VNN1: variants seen among roughly 807,000 people sequenced by gnomAD.
VNN1 encodes the protein pantetheinase.
A neutral mutation model predicts 41.9 loss-of-function variants in VNN1; 29 were observed. That is an observed-to-expected ratio of 0.69 (90% confidence interval 0.52 to 0.94). The LOEUF (loss-of-function observed/expected upper bound fraction) is 0.94, where lower values mean the gene tolerates loss of function less well. VNN1 is among the 40% of genes least tolerant of loss of function. The pLI is 0.00. For synonymous variants in VNN1, 233 were observed against 224.4 expected (o/e 1.04, Z -0.34); for missense variants, 637 against 621.1 (o/e 1.03, Z -0.27).
At position 132,684,462 on chromosome 6, in the gene VNN1, C is replaced by T; in HGVS notation, c.1232G>A (p.Cys411Tyr). The change falls in exon 6 of 7, where the codon TGC becomes TAC. Residue 411 changes from cysteine to tyrosine, a missense_variant. Transcript: ENST00000367928. Reference protein sequence around the residue: ...LKCKTTNLNTCGDSAETASTR... With the variant: ...LKCKTTNLNTYGDSAETASTR... Reference sequence around the variant, plus strand: ...AGAAGCTGTTTCAGCTGAGTCACCGCAAGTGTTTAAATTAGTCGTTTTACA... The same window carrying T: ...AGAAGCTGTTTCAGCTGAGTCACCGTAAGTGTTTAAATTAGTCGTTTTACA... The T allele has an allele frequency of 6.2e-7, 1 of 1,613,996 alleles. No individual in the cohort carries two copies. The highest frequency in any genetic ancestry group is 2.2e-5 in the East Asian group (1 of 44,846).
chr6:132,698,292 C>A (rs781587185), intron 2 of VNN1, among the ~76,000 whole-genome samples: 1 of 152,194 alleles, frequency 6.6e-6, no homozygotes, highest in Non-Finnish European at 1.5e-5. Flanking sequence ...TAACAAAAAT[C>A]ATCAATTATC....
chr6:132,692,520 T>A lies in VNN1; in HGVS notation c.891A>T (p.Gly297=). The A allele has an allele frequency of 6.2e-7, 1 of 1,611,734 alleles. No individual in the cohort carries two copies. Among genetic ancestry groups the A allele is most frequent in the Non-Finnish European group, 8.5e-7 (1 of 1,179,944 alleles). Residue 297 remains glycine (G), a synonymous_variant, in exon 5 of 7, where the codon GGA becomes GGT. Transcript: ENST00000367928. ...AATCCAGTTGCGAGAGGAGGAGTTT[T>A]CCCTCTTCTGTCTTCATATCATAAT... is the stretch of plus-strand genomic sequence containing the variant. ...AFHYDMKTEE[G]KLLLSQLDSH...
At chr6:132,713,476 C>T (rs1431492183) in intron 1 of VNN1, among the ~76,000 whole-genome samples, 2 of 152,118 alleles carry the variant, frequency 1.3e-5, no homozygotes, top group Non-Finnish European at 2.9e-5. Flanking sequence ...ACATGAAGGC[C>T]ACTAATACTC....
At chr6:132,711,079 C>T (rs1287216641) in intron 2 of VNN1, among the ~76,000 whole-genome samples, 1 of 152,102 alleles carries the variant, frequency 6.6e-6, no homozygotes, top group Non-Finnish European at 1.5e-5. Context: ...TGGCGTTGTG[C>T]GGTTTTGAGA....
chr6:132,694,140 G>C lies in VNN1; in HGVS notation c.384C>G (p.Ala128=). 1 of 1,613,176 alleles carries C rather than the reference G, an allele frequency of 6.2e-7. No homozygotes were observed. The stretch of plus-strand genomic sequence containing the variant: ...CCACAACATAGATAGAGTTGTTCTT[G>C]GCCAGGCAGCTGAGTCTTTCTTGTA... ...TPVQERLSCL[A]KNNSIYVVAN... Residue 128 remains alanine (A), a synonymous_variant, in exon 3 of 7, where the codon GCC becomes GCG. Transcript: ENST00000367928.
chr6:132,709,206 A>T (rs1269053994), intron 2 of VNN1, among the ~76,000 whole-genome samples: 1 of 118,730 alleles, frequency 8.4e-6, no homozygotes, highest in Non-Finnish European at 1.6e-5. Context: ...TAATAGATAG[A>T]TGATAGATAG....
intron 4 of VNN1, 80 bp downstream of exon 4, chr6:132,692,944 C>A (rs146629425): frequency 3.5e-6 from 5 of 1,425,012 alleles, no homozygotes; most frequent in South Asian, 1.5e-5. Flanking sequence ...AAGGAGTATG[C>A]GTTAGCTAGA....
intron 5 of VNN1, among the ~76,000 whole-genome samples, chr6:132,686,643 A>C (rs1230336870): frequency 6.6e-6 from 1 of 152,232 alleles, no homozygotes; most frequent in African/African-American, 2.4e-5. Context: ...TCATTCTATC[A>C]TGAAGCTCAA....
In VNN1 at chr6:132,683,267, G is replaced by A; in HGVS notation, c.1415C>T (p.Thr472Ile). The A allele has an allele frequency of 2.5e-6, 4 of 1,614,060 alleles. No individual in the cohort carries two copies. The highest frequency in any genetic ancestry group is 3.4e-6 in the Non-Finnish European group (4 of 1,180,000). ...SLKPTSGPVL[T>I]VTLFGRLYEK... ...ATACAACCTCCCAAACAGAGTTACT[G>A]TTAAGACAGGTCCGGATGTTGGCTT... The change falls in exon 7 of 7, where the codon ACA becomes ATA. Residue 472 changes from threonine to isoleucine, a missense_variant. Physicochemically the swap from Thr to Ile is moderately conservative, Grantham distance 89. Coordinates refer to ENST00000367928, the MANE Select transcript of VNN1 (RefSeq NM_004666.3).
intron 2 of VNN1, among the ~76,000 whole-genome samples, chr6:132,710,537 G>A (rs769559911): frequency 6.6e-5 from 10 of 151,938 alleles, no homozygotes; most frequent in Non-Finnish European, 1.2e-4. Context: ...CCGACTCCCC[G>A]ACAGGCCCCG....
chr6:132,708,778 G>T (rs1172689499), intron 2 of VNN1, among the ~76,000 whole-genome samples: 1 of 152,004 alleles, frequency 6.6e-6, no homozygotes, highest in Non-Finnish European at 1.5e-5. Flanking sequence ...CTTTTGAACT[G>T]CCCTCTGCTT....
chr6:132,709,822 A>AG, intron 2 of VNN1, among the ~76,000 whole-genome samples: 1 of 152,200 alleles, frequency 6.6e-6, no homozygotes, highest in Non-Finnish European at 1.5e-5. Context: ...ATGAGGTTCT[A>AG]GGGAAAGGCC....
intron 2 of VNN1, among the ~76,000 whole-genome samples, chr6:132,701,608 TA>T: frequency 6.6e-6 from 1 of 152,218 alleles, no homozygotes; most frequent in African/African-American, 2.4e-5. Context: ...GATGGCCAAA[TA>T]GAACCTTCCA....
chr6:132,694,251 G>A, intron 2 of VNN1, 69 bp from the exon 3 acceptor site: 2 of 1,411,012 alleles, frequency 1.4e-6, no homozygotes, highest in Non-Finnish European at 1.9e-6. Flanking sequence ...AATCCTGAAT[G>A]ATAGTTGCCT....
Position 132,684,292 on chromosome 6 carries a change from T to G in VNN1, c.1359+43A>C, listed in dbSNP as rs760904313. 1.3e-5 allele frequency: 21 copies of G among 1,566,606 alleles called. No individual in the cohort carries two copies. The African/African-American group carries it at 2.7e-4, about 20-fold the overall frequency. Reference sequence around the variant, plus strand: ...GCAGATTTTTATATCAAAAAGTGCTTCCTCTTACATGAAACTAATTGGCAA... The same window carrying G: ...GCAGATTTTTATATCAAAAAGTGCTGCCTCTTACATGAAACTAATTGGCAA... On this transcript the variant is annotated intron_variant, in intron 6 of 6. Transcript: ENST00000367928.
intron 2 of VNN1, among the ~76,000 whole-genome samples, chr6:132,702,774 G>A (rs1778466916): frequency 6.6e-6 from 1 of 152,208 alleles, no homozygotes; most frequent in Non-Finnish European, 1.5e-5. Context: ...TAGGCTATAA[G>A]GGAACTTCTT....
intron 2 of VNN1, among the ~76,000 whole-genome samples, chr6:132,694,397 A>T (rs1214866958): frequency 6.6e-6 from 1 of 152,242 alleles, no homozygotes. Context: ...GTAGGATAAG[A>T]TTCCAGACCA....
intron 1 of VNN1, 33 bp from the exon 2 acceptor site, chr6:132,711,872 C>T (rs751808604): frequency 1.2e-6 from 2 of 1,609,042 alleles, no homozygotes; most frequent in African/African-American, 1.3e-5. Flanking sequence ...CAAAGGGGGG[C>T]CTGCAAGAGG....
intron 4 of VNN1, 151 bp downstream of exon 4, chr6:132,692,873 T>G (rs995845272): frequency 6.9e-6 from 7 of 1,020,432 alleles, no homozygotes; most frequent in Middle Eastern, 3.2e-4. Flanking sequence ...AGACTGAGAT[T>G]GATTCTATAG....
Sources: gnomAD v4.1 joint callset for allele counts (sites outside exome capture counted in the v4.1 genomes callset) on GRCh38, gnomAD v4.1.1 for gene constraint, MANE v1.5 for transcripts, NCBI Gene and HGNC (gene_info 2026-07-23, HGNC 2026-07-21) for gene names.